Variants in ZCCHC7 observed in about 807,000 individuals in gnomAD.
ZCCHC7 encodes the protein zinc finger CCHC domain-containing protein 7.
Under a neutral mutation model 52.0 loss-of-function variants are expected in ZCCHC7, and 35 were observed. That is an observed-to-expected ratio of 0.67 (90% CI 0.51 to 0.89). ZCCHC7 has a LOEUF of 0.89. ZCCHC7 is among the 40% of genes least tolerant of loss of function. ZCCHC7 has a pLI of 0.00. For synonymous variants in ZCCHC7, 217 were observed against 221.5 expected (o/e 0.98, Z 0.18); for missense variants, 574 against 649.1 (o/e 0.88, Z 1.26).
intron 6 of ZCCHC7, among the ~76,000 whole-genome samples, chr9:37,330,974 T>G (rs1830427928): frequency 6.6e-6 from 1 of 151,484 alleles, no homozygotes; most frequent in Non-Finnish European, 1.5e-5. Context: ...TAACCAGGAG[T>G]TTGCTATTTG....
At position 37,274,331 on chromosome 9, in the gene ZCCHC7, CTTTTTTTTTT is replaced by C. The variant is rs10653910; in HGVS notation, c.611-27840_611-27831del. Among the ~76,000 whole-genome samples, 213 of 76,686 alleles carry C rather than the reference CTTTTTTTTTT, an allele frequency of 2.8e-3. 2 individuals carry two copies. Among genetic ancestry groups the C allele is most frequent in the African/African-American group, 0.011 (203 of 18,404 alleles). The allele number at this position is 76,686 out of a possible 152,430, so 50.3% of individuals were successfully genotyped here. On this transcript the variant is annotated intron_variant, in intron 2 of 8. Coordinates refer to ENST00000336755, the MANE Select transcript of ZCCHC7 (RefSeq NM_032226.3). Reference sequence around the variant, plus strand: ...TTATGAAAATTACCATATCTAATTTCTTTTTTTTTTTTTTTTTTTTTTTTTTGAGATGGAG... The same window carrying C: ...TTATGAAAATTACCATATCTAATTTCTTTTTTTTTTTTTTTTGAGATGGAG...
At chr9:37,231,009 G>A (rs1457346009) in intron 2 of ZCCHC7, among the ~76,000 whole-genome samples, 2 of 152,030 alleles carry the variant, frequency 1.3e-5, no homozygotes, top group African/African-American at 4.8e-5. Flanking sequence ...ATCTCTCTCG[G>A]CTCACTGCAA....
rs1220771888 is a variant in ZCCHC7 at position 37,356,996 on chromosome 9, A to C, written c.1360A>C (p.Asn454His). 1.2e-6 allele frequency: 2 copies of C among 1,613,786 alleles called. No homozygotes were observed. Among genetic ancestry groups the C allele is most frequent in the Non-Finnish European group, 1.7e-6 (2 of 1,179,926 alleles). ...AACACAAAAAGAAATGAAGAACAAG[A>C]ATAGAAACTGGGAGAAGCACAGGAA... ...KETQKEMKNKNRNWEKHRKAD... is the reference protein window; with the variant it reads ...KETQKEMKNKHRNWEKHRKAD... The change falls in exon 9 of 9, where the codon AAT becomes CAT. Residue 454 changes from asparagine to histidine, a missense_variant. By Grantham distance (68) the Asn-to-His change is moderately conservative. Coordinates refer to ENST00000336755, the MANE Select transcript of ZCCHC7 (RefSeq NM_032226.3).
intron 6 of ZCCHC7, among the ~76,000 whole-genome samples, chr9:37,337,211 G>C (rs529536715): frequency 6.6e-6 from 1 of 152,216 alleles, no homozygotes; most frequent in East Asian, 1.9e-4. Context: ...GCACTAAAGA[G>C]TTTATCTGGC....
intron 2 of ZCCHC7, among the ~76,000 whole-genome samples, chr9:37,155,774 C>CAGAT (rs1474643898): frequency 6.6e-6 from 1 of 152,202 alleles, no homozygotes; most frequent in Non-Finnish European, 1.5e-5. Context: ...TTAAGTAGTA[C>CAGAT]AGATATCTTA....
At chr9:37,156,560 A>G (rs1054498053) in intron 2 of ZCCHC7, among the ~76,000 whole-genome samples, 1 of 152,256 alleles carries the variant, frequency 6.6e-6, no homozygotes, top group Non-Finnish European at 1.5e-5. Flanking sequence ...CCAAATGGCT[A>G]TAAAAGAGGT....
chr9:37,222,332 T>A (rs1392607173), intron 2 of ZCCHC7, among the ~76,000 whole-genome samples: 6 of 47,398 alleles, frequency 1.3e-4, no homozygotes, highest in African/African-American at 2.5e-4. Flanking sequence ...TAACAGAGTG[T>A]GTGTGTGTGT....
intron 2 of ZCCHC7, among the ~76,000 whole-genome samples, chr9:37,294,942 T>G (rs1828714113): frequency 6.6e-6 from 1 of 152,214 alleles, no homozygotes; most frequent in African/African-American, 2.4e-5. Context: ...AGAATTTACT[T>G]CTACTACTAG....
At chr9:37,196,865 A>G (rs956702400) in intron 2 of ZCCHC7, among the ~76,000 whole-genome samples, 7 of 152,180 alleles carry the variant, frequency 4.6e-5, no homozygotes, top group African/African-American at 1.4e-4. Context: ...TTCTCAGTAG[A>G]AATTAAAAAA....
intron 2 of ZCCHC7, among the ~76,000 whole-genome samples, chr9:37,283,462 C>T (rs1828067036): frequency 6.6e-6 from 1 of 152,148 alleles, no homozygotes; most frequent in African/African-American, 2.4e-5. Flanking sequence ...GAAAAGTGGG[C>T]TCCTCCTTTT....
intron 2 of ZCCHC7, among the ~76,000 whole-genome samples, chr9:37,252,411 C>T (rs1161637918): frequency 6.6e-6 from 1 of 152,108 alleles, no homozygotes. Context: ...GTGTAACAAT[C>T]ATTGGTCTCA....
intron 1 of ZCCHC7, among the ~76,000 whole-genome samples, chr9:37,124,043 T>C (rs2132671608): frequency 6.6e-6 from 1 of 152,344 alleles, no homozygotes; most frequent in South Asian, 2.1e-4. Context: ...CCATTTGGTT[T>C]TTGGGATTAA....
intron 2 of ZCCHC7, among the ~76,000 whole-genome samples, chr9:37,240,819 G>C (rs1437136520): frequency 6.6e-6 from 1 of 151,696 alleles, no homozygotes; most frequent in East Asian, 1.9e-4. Context: ...ATCATTTTGT[G>C]TTTGTTATTG....
chr9:37,305,601 G>T lies in ZCCHC7; in HGVS notation c.838G>T (p.Ala280Ser), dbSNP rs1829262680. ...RRGHLLYSCP[A>S]PLCEYCPVPK... Reference sequence around the variant, plus strand: ...AGGACATCTCCTGTATTCCTGTCCAGCCCCCCTTTGCGAATACTGTCCTGT... The same window carrying T: ...AGGACATCTCCTGTATTCCTGTCCATCCCCCCTTTGCGAATACTGTCCTGT... The change falls in exon 5 of 9, where the codon GCC (alanine) becomes TCC (serine). Residue 280 changes from alanine (A) to serine (S), a missense_variant. Physicochemically the swap from Ala to Ser is moderately conservative, Grantham distance 99. Coordinates refer to ENST00000336755, the MANE Select transcript of ZCCHC7 (RefSeq NM_032226.3). The T allele has an allele frequency of 3.7e-6, 6 of 1,614,036 alleles. No homozygotes were observed. The highest frequency in any genetic ancestry group is 5.1e-6 in the Non-Finnish European group (6 of 1,179,996).
rs538339919 is a variant in ZCCHC7, at chr9:37,138,699, AT to A, written c.610+11775del. ...TCACTCACCTTATCTACAGGTTTGTATTTTTTTTTTTTTTTTTTAGAATGGA... is the reference window on the plus strand; with the variant it reads ...TCACTCACCTTATCTACAGGTTTGTATTTTTTTTTTTTTTTTTAGAATGGA... On this transcript the variant is annotated intron_variant, in intron 2 of 8. Coordinates refer to ENST00000336755, the MANE Select transcript of ZCCHC7 (RefSeq NM_032226.3). 7.3e-3 allele frequency among the ~76,000 whole-genome samples: 974 copies of A among 134,002 alleles called. 3 individuals carry two copies. Among genetic ancestry groups the A allele is most frequent in the African/African-American group, 0.012 (438 of 36,794 alleles). The allele number at this position is 134,002 out of a possible 152,430, so 87.9% of individuals were successfully genotyped here.
intron 5 of ZCCHC7, among the ~76,000 whole-genome samples, chr9:37,317,202 C>A (rs939259227): frequency 6.6e-6 from 1 of 152,130 alleles, no homozygotes; most frequent in Non-Finnish European, 1.5e-5. Flanking sequence ...AAATCAGATT[C>A]ACATCAGACT....
chr9:37,295,939 A>G (rs1198293305), intron 2 of ZCCHC7, among the ~76,000 whole-genome samples: 1 of 152,184 alleles, frequency 6.6e-6, no homozygotes, highest in Non-Finnish European at 1.5e-5. Context: ...AGAGATAGGA[A>G]AGCATTTTGT....
intron 2 of ZCCHC7, among the ~76,000 whole-genome samples, chr9:37,150,685 G>C (rs1440465448): frequency 1.3e-5 from 2 of 152,176 alleles, no homozygotes; most frequent in South Asian, 2.1e-4. Context: ...TGGAAAGAAG[G>C]GTTCAGCCAA....
chr9:37,310,827 C>A (rs541509736), intron 5 of ZCCHC7, among the ~76,000 whole-genome samples: 2 of 151,864 alleles, frequency 1.3e-5, no homozygotes, highest in Admixed American at 1.3e-4. Context: ...CAGGGTGGCA[C>A]GCACCTGTAG....
Sources: allele counts gnomAD v4.1 joint callset (sites outside exome capture counted in the v4.1 genomes callset), GRCh38; gene constraint gnomAD v4.1.1; transcripts MANE v1.5; gene names NCBI Gene and HGNC (gene_info 2026-07-23, HGNC 2026-07-21).